Variants in STARD13 observed in about 807,000 individuals in gnomAD.
STARD13 encodes StAR related lipid transfer domain containing 13.
A neutral mutation model predicts 106.4 loss-of-function variants in STARD13; 62 were observed. That is an observed-to-expected ratio of 0.58 (90% CI 0.48 to 0.72). The LOEUF is 0.72. Ranked by LOEUF, STARD13 falls within the 30% of genes least tolerant of loss-of-function variation. The pLI, the probability that STARD13 is intolerant of heterozygous loss-of-function variation, is 0.00. For missense variants in STARD13, 1,387 were observed against 1,424.0 expected (o/e 0.97, Z 0.42); for synonymous variants, 565 against 553.0 (o/e 1.02, Z -0.31).
At chr13:33,150,552 T>G (rs1593975127) in intron 3 of STARD13, among the ~76,000 whole-genome samples, 1 of 152,204 alleles carries the variant, frequency 6.6e-6, no homozygotes, top group African/African-American at 2.4e-5. Context: ...GCCTGGGAAA[T>G]GAGAGCTTAT....
chr13:33,575,401 T>C, the STARD13 span, among the ~76,000 whole-genome samples: 2 of 152,124 alleles, frequency 1.3e-5, no homozygotes, highest in Admixed American at 6.6e-5. Context: ...CTACATTTTG[T>C]GGGGAAAGGG....
intron 1 of STARD13, among the ~76,000 whole-genome samples, chr13:33,238,053 C>T (rs1172692058): frequency 2.6e-5 from 4 of 152,172 alleles, no homozygotes; most frequent in Admixed American, 2.6e-4. Flanking sequence ...GAGATTAGCT[C>T]TTCTACTGAG....
chr13:33,527,001 C>T, the STARD13 span, among the ~76,000 whole-genome samples: 1 of 152,050 alleles, frequency 6.6e-6, no homozygotes, highest in African/African-American at 2.4e-5. Flanking sequence ...AAGAAGAGAA[C>T]TGTTTTGTTC....
the STARD13 span, among the ~76,000 whole-genome samples, chr13:33,486,941 T>C: frequency 6.6e-6 from 1 of 152,234 alleles, no homozygotes; most frequent in Non-Finnish European, 1.5e-5. Context: ...ACATTTTCTA[T>C]TGGAGAACAA....
the STARD13 span, among the ~76,000 whole-genome samples, chr13:33,650,166 T>G: frequency 0.23 from 3,572 of 15,846 alleles, 151 homozygotes; most frequent in African/African-American, 0.42. Flanking sequence ...TGACTCCAAT[T>G]TTTTTTTTTT....
chr13:33,364,342 A>C, the STARD13 span, among the ~76,000 whole-genome samples: 1 of 152,076 alleles, frequency 6.6e-6, no homozygotes, highest in Non-Finnish European at 1.5e-5. Flanking sequence ...TCTTTACTCC[A>C]CTCAAACCAG....
chr13:33,642,841 A>T, the STARD13 span, among the ~76,000 whole-genome samples: 3 of 96,728 alleles, frequency 3.1e-5, no homozygotes, highest in African/African-American at 7.6e-5. Context: ...AACAAACATT[A>T]AAAAAAAAAA....
At chr13:33,624,502 T>G in the STARD13 span, among the ~76,000 whole-genome samples, 11 of 152,198 alleles carry the variant, frequency 7.2e-5, no homozygotes, top group Admixed American at 2.0e-4. Context: ...CCCCATCTCC[T>G]TACACCAAGA....
the STARD13 span, among the ~76,000 whole-genome samples, chr13:33,474,244 G>A: frequency 6.6e-6 from 1 of 152,136 alleles, no homozygotes; most frequent in African/African-American, 2.4e-5. Context: ...CTTCTGTGGT[G>A]TGGCCCCAGT....
the STARD13 span, among the ~76,000 whole-genome samples, chr13:33,442,541 T>C: frequency 6.6e-6 from 1 of 152,332 alleles, no homozygotes; most frequent in Admixed American, 6.5e-5. Flanking sequence ...TTGATGAATA[T>C]ATGAATGTAT....
chr13:33,269,431 T>A (rs1891054203), intron 1 of STARD13, among the ~76,000 whole-genome samples: 1 of 152,172 alleles, frequency 6.6e-6, no homozygotes. Context: ...GTGGGCGGTG[T>A]GACATTGGGG....
chr13:33,439,729 A>T, the STARD13 span: 1 of 1,246,070 alleles, frequency 8.0e-7, no homozygotes, highest in Non-Finnish European at 1.1e-6. Context: ...GAGCACCTGT[A>T]AAAAAACAGT....
the STARD13 span, among the ~76,000 whole-genome samples, chr13:33,666,010 T>C: frequency 6.6e-6 from 1 of 152,046 alleles, no homozygotes. Context: ...GACCTCTGAC[T>C]TGTCCCTGAA....
At chr13:33,624,596 A>C in the STARD13 span, among the ~76,000 whole-genome samples, 1 of 152,242 alleles carries the variant, frequency 6.6e-6, no homozygotes, top group Admixed American at 6.5e-5. Context: ...CACAGACTCA[A>C]CCAACATTTA....
the STARD13 span, among the ~76,000 whole-genome samples, chr13:33,448,223 T>C: frequency 2.0e-5 from 3 of 152,296 alleles, no homozygotes; most frequent in East Asian, 3.9e-4. Context: ...TCTAGCTTTT[T>C]TGAAATATGA....
At chr13:33,528,225 T>TATATATATATATAC in the STARD13 span, among the ~76,000 whole-genome samples, 1 of 131,310 alleles carries the variant, frequency 7.6e-6, no homozygotes, top group African/African-American at 3.3e-5. Flanking sequence ...TGTGTGTGTG[T>TATATATATATATAC]GTATATATAT....
chr13:33,258,357 G>T (rs74045752), intron 1 of STARD13, among the ~76,000 whole-genome samples: 2 of 151,858 alleles, frequency 1.3e-5, no homozygotes, highest in Non-Finnish European at 2.9e-5. Flanking sequence ...CTCAATAGAA[G>T]AAGAGCAAAA....
the STARD13 span, among the ~76,000 whole-genome samples, chr13:33,609,105 A>AAAAAAAAAAAAAAAAAAAAAAG: frequency 2.2e-4 from 29 of 133,176 alleles, no homozygotes; most frequent in African/African-American, 5.3e-4. Flanking sequence ...AAAAAAAAAA[A>AAAAAAAAAAAAAAAAAAAAAAG]AAATATTGAT....
chr13:33,675,016 C>T, the STARD13 span, among the ~76,000 whole-genome samples: 2 of 152,238 alleles, frequency 1.3e-5, no homozygotes, highest in Non-Finnish European at 2.9e-5. Flanking sequence ...CTATTCTTCA[C>T]ACCTACATCC....
Sources: allele counts gnomAD v4.1 joint callset (sites outside exome capture counted in the v4.1 genomes callset), GRCh38; gene constraint gnomAD v4.1.1; transcripts MANE v1.5; gene names NCBI Gene and HGNC (gene_info 2026-07-23, HGNC 2026-07-21).